TAX1BP1: variants seen among roughly 807,000 people sequenced by gnomAD.
The protein encoded by TAX1BP1 is Tax1 binding protein 1.
Under a neutral mutation model 97.7 loss-of-function variants are expected in TAX1BP1, and 62 were observed. The ratio of observed to expected loss-of-function variants is 0.63; its 90% CI spans 0.52 to 0.78. The LOEUF (loss-of-function observed/expected upper bound fraction) is 0.78, where lower values mean the gene tolerates loss of function less well. Among genes scored for constraint, TAX1BP1 ranks in the 30% least tolerant of loss-of-function variants. The pLI, the probability that TAX1BP1 is intolerant of heterozygous loss-of-function variation, is 0.00. For synonymous variants in TAX1BP1, 340 were observed against 304.2 expected (o/e 1.12, Z -1.23); for missense variants, 867 against 916.1 (o/e 0.95, Z 0.69).
intron 13 of TAX1BP1, among the ~76,000 whole-genome samples, chr7:27,809,283 A>G (rs1240668149): frequency 4.6e-5 from 7 of 152,254 alleles, no homozygotes; most frequent in African/African-American, 7.2e-5. Flanking sequence ...TGAGATGGCT[A>G]CAACAAATGT....
At chr7:27,784,918 A>G (rs1789417049) in intron 5 of TAX1BP1, among the ~76,000 whole-genome samples, 1 of 152,062 alleles carries the variant, frequency 6.6e-6, no homozygotes, top group Admixed American at 6.6e-5. Context: ...TGATTGTGCC[A>G]CCATACTGCA....
chr7:27,776,801 T>G (rs1300272855), intron 5 of TAX1BP1, among the ~76,000 whole-genome samples: 1 of 151,756 alleles, frequency 6.6e-6, no homozygotes, highest in Non-Finnish European at 1.5e-5. Context: ...AGTTCACTTG[T>G]GCTTTTTTTT....
At chr7:27,739,503 C>T (rs184855260), upstream of TAX1BP1, 1 of 152,104 alleles carries the variant, frequency 6.6e-6, no homozygotes, top group Non-Finnish European at 1.5e-5. Flanking sequence ...AATAACAGAA[C>T]GCGGGAGAAA....
At position 27,769,724 on chromosome 7, in the gene TAX1BP1, A is replaced by G. The variant is rs1788773569; in HGVS notation, c.502A>G (p.Ile168Val). ...AGAAAAAGAAGAACTGTTAAAGTTA[A>G]TTGCCGTTCTGGAAAAAGAAACAGC... The part of the protein sequence containing the change: ...MKEKEELLKL[I>V]AVLEKETAQL... The change falls in exon 5 of 17, where the codon ATT (isoleucine) becomes GTT (valine). Residue 168 changes from isoleucine to valine, a missense_variant. This residue lies in a region of TAX1BP1 where 822 missense variants were observed against 851.4 expected (regional missense o/e 0.97). Coordinates refer to ENST00000396319, the MANE Select transcript of TAX1BP1 (RefSeq NM_006024.7). The G allele has an allele frequency of 1.2e-6, 2 of 1,612,402 alleles. No homozygotes were observed. Among genetic ancestry groups the G allele is most frequent in the Non-Finnish European group, 1.7e-6 (2 of 1,179,024 alleles).
At chr7:27,751,867 G>A (rs1055910158) in intron 2 of TAX1BP1, among the ~76,000 whole-genome samples, 2 of 152,012 alleles carry the variant, frequency 1.3e-5, no homozygotes, top group African/African-American at 4.8e-5. Context: ...TGCCCGGGCT[G>A]GTCTCGAACT....
intron 4 of TAX1BP1, among the ~76,000 whole-genome samples, chr7:27,769,196 C>T (rs1046563162): frequency 2.0e-5 from 3 of 151,760 alleles, no homozygotes; most frequent in Admixed American, 2.0e-4. Context: ...TTCTTGGTGT[C>T]TTAAGGAATC....
rs549004803 is a variant in TAX1BP1, at chr7:27,764,895, A to G, written c.266-939A>G. Among the ~76,000 whole-genome samples, 202 of 124,764 alleles carry G rather than the reference A, an allele frequency of 1.6e-3. 1 individual carries two copies. Among genetic ancestry groups the G allele is most frequent in the African/African-American group, 5.7e-3 (189 of 32,920 alleles). 81.9% of individuals were successfully genotyped at this position (124,764 alleles called of 152,430 possible). A position where few individuals can be genotyped will look rare whatever the true frequency, so the allele number is the denominator to read the frequency against. ...TGGAGCTTTTCAAGTGGGCTCCTGT[A>G]TTTTTTTTTGACATGCTCCACCCCT... On this transcript the variant is annotated intron_variant, in intron 3 of 16. Transcript: ENST00000396319.
chr7:27,797,256 C>T (rs969748373), intron 12 of TAX1BP1, among the ~76,000 whole-genome samples: 1 of 152,074 alleles, frequency 6.6e-6, no homozygotes, highest in African/African-American at 2.4e-5. Flanking sequence ...CTCGGCCTGT[C>T]AAAGTGCTGG....
rs534689491 is a variant in TAX1BP1 at position 27,796,327 on chromosome 7, T to A, written c.1638+108T>A. 5.3e-5 allele frequency: 50 copies of A among 939,096 alleles called. No individual in the cohort carries two copies. In the South Asian group the frequency reaches 8.9e-4, roughly 17 times the overall value. The allele number at this position is 939,096 out of a possible 1,614,324, so 58.2% of individuals were successfully genotyped here. On this transcript the variant is annotated intron_variant, in intron 12 of 16. Transcript: ENST00000396319. Reference sequence around the variant, plus strand: ...TCTTTGAGTTTCTTTTCCATCTCCATATAGTGTTACTTAGTTTCACTTTGG... The same window carrying A: ...TCTTTGAGTTTCTTTTCCATCTCCAAATAGTGTTACTTAGTTTCACTTTGG...
chr7:27,747,593 T>C (rs990888279), intron 1 of TAX1BP1, among the ~76,000 whole-genome samples: 20 of 152,198 alleles, frequency 1.3e-4, no homozygotes, highest in Admixed American at 6.5e-5. Context: ...ACAAATAGGC[T>C]GAGCCATTTC....
rs1790774390 is a variant in TAX1BP1, at chr7:27,816,489, T to G, written c.1905T>G (p.Tyr635Ter). The G allele has an allele frequency of 1.3e-6, 2 of 1,553,430 alleles. No homozygotes were observed. Among genetic ancestry groups the G allele is most frequent in the Admixed American group, 2.3e-5 (1 of 42,562 alleles). ...CAAATGCACAACCAGTTCTGCAATA[T>G]GGTAATCCTTATGCATCTCAGGAAA... Reference protein sequence around the residue: ...TLSNAQPVLQYGNPYASQETR... With the variant: ...TLSNAQPVLQ Residue 635 changes from tyrosine to a stop codon, truncating the protein, a stop_gained, in exon 14 of 17, where the codon TAT (tyrosine) becomes TAG (stop). Transcript: ENST00000396319. LOFTEE classifies it high-confidence loss of function.
chr7:27,748,486 A>T (rs1401087161), intron 1 of TAX1BP1, 32 bp from the exon 2 acceptor site: 2 of 1,471,348 alleles, frequency 1.4e-6, no homozygotes, highest in Non-Finnish European at 1.8e-6. Flanking sequence ...CTTAGTTGGT[A>T]TAATTTAACT....
chr7:27,749,872 A>G (rs1002159574), intron 2 of TAX1BP1, among the ~76,000 whole-genome samples: 2 of 152,136 alleles, frequency 1.3e-5, no homozygotes, highest in South Asian at 2.1e-4. Flanking sequence ...GGCTTACTGC[A>G]ACCTGACCTC....
chr7:27,828,217 G>T (rs558954102), intron 16 of TAX1BP1, among the ~76,000 whole-genome samples: 2 of 152,144 alleles, frequency 1.3e-5, no homozygotes, highest in Non-Finnish European at 2.9e-5. Context: ...ATGCATACAA[G>T]CATTTGAGAA....
rs181954417 is a variant in TAX1BP1 at position 27,748,774 on chromosome 7, A to T, written c.162+88A>T. The T allele has an allele frequency of 1.2e-3, 1,210 of 1,033,060 alleles. 5 individuals carry two copies. Among genetic ancestry groups the T allele is most frequent in the Admixed American group, 3.6e-3 (105 of 28,958 alleles). 64.0% of individuals were successfully genotyped at this position (1,033,060 alleles called of 1,614,324 possible). On this transcript the variant is annotated intron_variant, in intron 2 of 16. Coordinates refer to ENST00000396319, the MANE Select transcript of TAX1BP1 (RefSeq NM_006024.7). ...TGATAAGTAGCTTTTACTTGCCTTA[A>T]CTCTGCATTAAGACTCATTTTTGTA...
intron 5 of TAX1BP1, among the ~76,000 whole-genome samples, chr7:27,772,938 T>G (rs916112729): frequency 6.6e-6 from 1 of 152,088 alleles, no homozygotes; most frequent in Non-Finnish European, 1.5e-5. Context: ...AGTAACTCTA[T>G]TATTAAGGAT....
chr7:27,826,733 T>C (rs1364177578), intron 15 of TAX1BP1, among the ~76,000 whole-genome samples: 2 of 152,216 alleles, frequency 1.3e-5, no homozygotes, highest in Admixed American at 6.5e-5. Flanking sequence ...AATCAGTGTT[T>C]TCTTTGTGAT....
At chr7:27,778,602 C>T (rs760462624) in intron 5 of TAX1BP1, among the ~76,000 whole-genome samples, 3 of 152,094 alleles carry the variant, frequency 2.0e-5, no homozygotes, top group Non-Finnish European at 2.9e-5. Context: ...CGGTGGCTCA[C>T]GCCTGTAATC....
intron 5 of TAX1BP1, among the ~76,000 whole-genome samples, chr7:27,776,376 A>G (rs1354482053): frequency 6.6e-6 from 1 of 152,044 alleles, no homozygotes; most frequent in Non-Finnish European, 1.5e-5. Flanking sequence ...TGTTAGGAAA[A>G]GTCTTATTTT....
Sources: allele counts gnomAD v4.1 joint callset (sites outside exome capture counted in the v4.1 genomes callset), GRCh38; gene constraint gnomAD v4.1.1; regional missense constraint gnomAD v4.1.1; transcripts MANE v1.5; gene names NCBI Gene and HGNC (gene_info 2026-07-23, HGNC 2026-07-21).